Variants in ZBTB20 observed in about 807,000 individuals in gnomAD.
The protein encoded by ZBTB20 is zinc finger and BTB domain containing 20, also known as zinc finger and BTB domain-containing protein 20.
ZBTB20 carries 9 observed loss-of-function variants against 56.9 expected under a neutral mutation model. That is an observed-to-expected ratio of 0.16 (90% CI 0.10 to 0.28). The LOEUF (loss-of-function observed/expected upper bound fraction) is 0.28. Ranked by LOEUF, ZBTB20 falls within the 10% of genes least tolerant of loss-of-function variation. ZBTB20 has a pLI of 1.00. For missense variants in ZBTB20, 655 were observed against 1,003.0 expected, an observed-to-expected ratio of 0.65 and a Z score of 4.69; for synonymous variants, 417 against 420.7, an observed-to-expected ratio of 0.99 and a Z score of 0.11.
chr3:115,146,017 AAC>A (rs2084954932), intron 1 of ZBTB20, among the ~76,000 whole-genome samples: 1 of 152,276 alleles, frequency 6.6e-6, no homozygotes, highest in East Asian at 1.9e-4. Context: ...TAATAGAAAA[AAC>A]AGTGGAGAAG....
intron 6 of ZBTB20, among the ~76,000 whole-genome samples, chr3:114,652,268 T>C (rs1296467731): frequency 1.3e-5 from 2 of 152,064 alleles, no homozygotes; most frequent in East Asian, 3.8e-4. Context: ...TCACATAACT[T>C]ATGTATACTC....
At chr3:114,516,492 C>A (rs1471459951) in intron 6 of ZBTB20, among the ~76,000 whole-genome samples, 1 of 152,036 alleles carries the variant, frequency 6.6e-6, no homozygotes, top group Non-Finnish European at 1.5e-5. Flanking sequence ...AGAAGTCATC[C>A]ATCAAAATGC....
At chr3:114,983,960 A>G (rs1041942478) in intron 2 of ZBTB20, among the ~76,000 whole-genome samples, 2 of 151,922 alleles carry the variant, frequency 1.3e-5, no homozygotes, top group Admixed American at 6.6e-5. Context: ...TTCCTTTGCT[A>G]TATTATTGCC....
At chr3:114,978,049 T>C (rs2078177052) in intron 2 of ZBTB20, among the ~76,000 whole-genome samples, 1 of 150,756 alleles carries the variant, frequency 6.6e-6, no homozygotes, top group Non-Finnish European at 1.5e-5. Context: ...AGAAAACATC[T>C]TTAACAAAAT....
chr3:114,899,204 T>C (rs960025003), intron 4 of ZBTB20, among the ~76,000 whole-genome samples: 31 of 152,164 alleles, frequency 2.0e-4, no homozygotes, highest in Admixed American at 2.6e-4. Flanking sequence ...TTCACTTTTT[T>C]TCTCTCTCAC....
chr3:114,685,610 A>T (rs2062283011), intron 6 of ZBTB20, among the ~76,000 whole-genome samples: 1 of 152,194 alleles, frequency 6.6e-6, no homozygotes, highest in Admixed American at 6.5e-5. Flanking sequence ...GTATGTAGGA[A>T]CGCTGTCTTG....
In ZBTB20 at chr3:114,918,583, G is replaced by T. The variant is rs577661481; in HGVS notation, c.-455-18241C>A. Among the ~76,000 whole-genome samples, 17 of 152,264 alleles carry T rather than the reference G, an allele frequency of 1.1e-4. No individual in the cohort carries two copies. The East Asian group carries it at 3.3e-3, about 30-fold the overall frequency. On this transcript the variant is annotated intron_variant, in intron 3 of 11. Coordinates refer to ENST00000675478, the MANE Select transcript of ZBTB20 (RefSeq NM_001348800.3). ...AAAGGCTCTTTAGTCAGCAGGTGAT[G>T]AATCCTGCCAGGGCTGGGTCCTTCT...
intron 6 of ZBTB20, among the ~76,000 whole-genome samples, chr3:114,579,026 A>C (rs1048010964): frequency 2.0e-5 from 3 of 151,818 alleles, no homozygotes; most frequent in Non-Finnish European, 3.0e-5. Context: ...TATGTTAACC[A>C]CCTTTTTTAT....
chr3:115,070,570 G>C (rs2082374099), intron 2 of ZBTB20, among the ~76,000 whole-genome samples: 1 of 151,982 alleles, frequency 6.6e-6, no homozygotes, highest in South Asian at 2.1e-4. Flanking sequence ...AGGTATATTA[G>C]CTTTCTGGAA....
intron 6 of ZBTB20, among the ~76,000 whole-genome samples, chr3:114,560,455 T>G (rs1219508499): frequency 6.6e-6 from 1 of 152,176 alleles, no homozygotes; most frequent in Non-Finnish European, 1.5e-5. Flanking sequence ...GTATTATTAT[T>G]ATCTATTCTT....
intron 7 of ZBTB20, among the ~76,000 whole-genome samples, chr3:114,458,028 T>C (rs2092124348): frequency 6.6e-6 from 1 of 152,220 alleles, no homozygotes; most frequent in Admixed American, 6.5e-5. Flanking sequence ...CCTTCTTCTG[T>C]AGCTCACTTC....
At position 114,317,802 on chromosome 3, in the gene ZBTB20, T is replaced by C. The variant is rs1452957086; in HGVS notation, c.*21203A>G. ...AGAAAAACGGTATTTTGCAAGTTTG[T>C]GTGTGTGTGTGCTCGCATACATGAA... On this transcript the variant is annotated 3_prime_UTR_variant, in exon 12 of 12. Coordinates refer to ENST00000675478, the MANE Select transcript of ZBTB20 (RefSeq NM_001348800.3). 1.3e-5 allele frequency: 2 copies of C among 152,008 alleles called. No homozygotes were observed. Among genetic ancestry groups the C allele is most frequent in the African/African-American group, 4.8e-5 (2 of 41,384 alleles). 9.4% of individuals were successfully genotyped at this position (152,008 alleles called of 1,614,324 possible). A position where few individuals can be genotyped will look rare whatever the true frequency, so the allele number is the denominator to read the frequency against.
At chr3:114,365,838 G>A (rs1285105112) in intron 10 of ZBTB20, among the ~76,000 whole-genome samples, 1 of 152,132 alleles carries the variant, frequency 6.6e-6, no homozygotes, top group Non-Finnish European at 1.5e-5. Context: ...ACATGTAGCA[G>A]CTTACATTCA....
At chr3:114,916,827 T>C (rs918360146) in intron 3 of ZBTB20, among the ~76,000 whole-genome samples, 1 of 152,220 alleles carries the variant, frequency 6.6e-6, no homozygotes, top group Non-Finnish European at 1.5e-5. Flanking sequence ...TCCTTATATT[T>C]GACCTTTTGG....
chr3:114,365,510 G>T (rs927218720), intron 10 of ZBTB20, among the ~76,000 whole-genome samples: 1 of 152,092 alleles, frequency 6.6e-6, no homozygotes, highest in African/African-American at 2.4e-5. Context: ...CAGTGTGTAG[G>T]GGGTGGATTT....
chr3:114,480,641 T>C (rs1237149860), intron 7 of ZBTB20, among the ~76,000 whole-genome samples: 2 of 152,204 alleles, frequency 1.3e-5, no homozygotes, highest in South Asian at 2.1e-4. Context: ...TAATATGCTT[T>C]TTAAAGACCT....
intron 6 of ZBTB20, among the ~76,000 whole-genome samples, chr3:114,659,121 C>A (rs187670539): frequency 6.6e-6 from 1 of 152,114 alleles, no homozygotes; most frequent in Non-Finnish European, 1.5e-5. Context: ...ACAGACTATT[C>A]GCTTCAAGAA....
chr3:114,365,505 T>C (rs949910680), intron 10 of ZBTB20, among the ~76,000 whole-genome samples: 3 of 152,098 alleles, frequency 2.0e-5, no homozygotes, highest in South Asian at 4.1e-4. Context: ...GAACACAGTG[T>C]GTAGGGGGTG....
chr3:114,554,040 A>G (rs1304524529), intron 6 of ZBTB20, among the ~76,000 whole-genome samples: 1 of 152,210 alleles, frequency 6.6e-6, no homozygotes, highest in Admixed American at 6.5e-5. Flanking sequence ...GTATTGAAGA[A>G]GCAGTCAAAA....
Sources: gnomAD v4.1 joint callset for allele counts (sites outside exome capture counted in the v4.1 genomes callset) on GRCh38, gnomAD v4.1.1 for gene constraint, MANE v1.5 for transcripts, NCBI Gene and HGNC (gene_info 2026-07-23, HGNC 2026-07-21) for gene names.